NELL2: variants seen among roughly 807,000 people sequenced by gnomAD.
The protein encoded by NELL2 is protein kinase C-binding protein NELL2.
In NELL2, 41 loss-of-function variants were observed where a neutral mutation model predicts 109.6. The observed-to-expected ratio is 0.37, with a 90% CI of 0.29 to 0.49. NELL2 has a LOEUF of 0.49. Among genes scored for constraint, NELL2 ranks in the 20% least tolerant of loss-of-function variants. The pLI is 0.98. For missense variants in NELL2, 900 were observed against 1,008.3 expected, an observed-to-expected ratio of 0.89 and a Z score of 1.45; for synonymous variants, 355 against 344.7, an observed-to-expected ratio of 1.03 and a Z score of -0.33.
intron 2 of NELL2, among the ~76,000 whole-genome samples, chr12:44,846,001 T>C (rs1397952101): frequency 6.6e-6 from 1 of 152,228 alleles, no homozygotes; most frequent in Non-Finnish European, 1.5e-5. Flanking sequence ...ACTATGGCAG[T>C]GCTCATTCTG....
chr12:44,656,238 C>CTGGAA (rs1390765613), intron 13 of NELL2, among the ~76,000 whole-genome samples: 31 of 152,286 alleles, frequency 2.0e-4, no homozygotes, highest in Middle Eastern at 6.8e-3. Flanking sequence ...ATCTAACATT[C>CTGGAA]ATTCTGGAAA....
At chr12:44,550,997 C>G (rs1031073029) in intron 15 of NELL2, among the ~76,000 whole-genome samples, 7 of 152,030 alleles carry the variant, frequency 4.6e-5, no homozygotes, top group African/African-American at 1.7e-4. Context: ...GAGAGTAGAT[C>G]TTATGTTAAA....
intron 12 of NELL2, among the ~76,000 whole-genome samples, chr12:44,678,156 G>T (rs1948379066): frequency 6.7e-6 from 1 of 150,174 alleles, no homozygotes; most frequent in African/African-American, 2.4e-5. Flanking sequence ...AAATTGCTCA[G>T]AGAGGTAGCA....
intron 1 of NELL2, chr12:44,913,682 A>G (rs1329765800): frequency 8.9e-6 from 4 of 448,982 alleles, no homozygotes; most frequent in Non-Finnish European, 1.6e-5. Flanking sequence ...GAAAAACAAT[A>G]TGATTCACAT....
intron 2 of NELL2, among the ~76,000 whole-genome samples, chr12:44,833,600 G>T (rs1943954659): frequency 6.6e-6 from 1 of 152,302 alleles, no homozygotes; most frequent in East Asian, 1.9e-4. Flanking sequence ...TTTGTTGAAT[G>T]AAATTCAATG....
chr12:44,598,854 T>TACACACACACACACAC (rs754118280), intron 15 of NELL2, among the ~76,000 whole-genome samples: 3,588 of 117,794 alleles, frequency 0.03, 87 homozygotes, highest in East Asian at 0.09. Flanking sequence ...AAGAAAGAAA[T>TACACACACACACACAC]ACACACACAC....
At chr12:44,722,341 T>C (rs1566239066) in intron 9 of NELL2, among the ~76,000 whole-genome samples, 1 of 152,166 alleles carries the variant, frequency 6.6e-6, no homozygotes, top group South Asian at 2.1e-4. Context: ...AATTTTTTAA[T>C]TTTTTGTAGA....
intron 3 of NELL2, among the ~76,000 whole-genome samples, chr12:44,813,164 A>AGC (rs1320754204): frequency 6.6e-6 from 1 of 152,096 alleles, no homozygotes. Context: ...TGACTGGAAT[A>AGC]TATGCTGTCC....
chr12:44,660,482 C>T (rs1387776021), intron 13 of NELL2, among the ~76,000 whole-genome samples: 2 of 152,086 alleles, frequency 1.3e-5, no homozygotes, highest in African/African-American at 4.8e-5. Flanking sequence ...TAGTTGCATC[C>T]CTGGCCTCTA....
At chr12:44,834,619 A>G (rs1943994647) in intron 2 of NELL2, among the ~76,000 whole-genome samples, 1 of 152,042 alleles carries the variant, frequency 6.6e-6, no homozygotes, top group Non-Finnish European at 1.5e-5. Flanking sequence ...TGGGGCACTA[A>G]GGCCACTGCC....
chr12:44,513,197 G>A (rs573187195), intron 19 of NELL2, among the ~76,000 whole-genome samples: 2 of 152,028 alleles, frequency 1.3e-5, no homozygotes, highest in African/African-American at 4.8e-5. Context: ...AGAGATTCAT[G>A]CTAAAACTAA....
chr12:44,806,670 T>C (rs1395971336), intron 3 of NELL2, among the ~76,000 whole-genome samples: 1 of 151,856 alleles, frequency 6.6e-6, no homozygotes, highest in Non-Finnish European at 1.5e-5. Context: ...GCCCATGGCA[T>C]ACTGATTACT....
intron 15 of NELL2, among the ~76,000 whole-genome samples, chr12:44,555,330 T>C (rs1943207632): frequency 1.3e-5 from 2 of 152,224 alleles, no homozygotes; most frequent in African/African-American, 4.8e-5. Context: ...ACTGGTTTTA[T>C]AGCTATTTTG....
At chr12:44,854,792 C>T (rs1465609793) in intron 2 of NELL2, among the ~76,000 whole-genome samples, 2 of 150,532 alleles carry the variant, frequency 1.3e-5, no homozygotes, top group South Asian at 2.1e-4. Context: ...AGAAGGATAG[C>T]TATTCCAAAA....
At chr12:44,777,179 G>T in intron 6 of NELL2, 55 bp from the exon 7 acceptor site, 1 of 1,607,830 alleles carries the variant, frequency 6.2e-7, no homozygotes, top group Non-Finnish European at 8.5e-7. Context: ...GGTTCAATCT[G>T]GTTAAGTCTA....
chr12:44,584,731 A>G (rs1181426894), intron 15 of NELL2, among the ~76,000 whole-genome samples: 2 of 152,126 alleles, frequency 1.3e-5, no homozygotes, highest in African/African-American at 2.4e-5. Flanking sequence ...GTTGCTATAA[A>G]TTCTGTGGAC....
intron 13 of NELL2, among the ~76,000 whole-genome samples, chr12:44,619,224 G>C (rs1230323304): frequency 6.6e-6 from 1 of 152,122 alleles, no homozygotes; most frequent in East Asian, 1.9e-4. Context: ...ATAAAAGCAT[G>C]GGGTATAAAA....
At chr12:44,716,011 G>A (rs999027215) in intron 9 of NELL2, among the ~76,000 whole-genome samples, 5 of 151,288 alleles carry the variant, frequency 3.3e-5, no homozygotes, top group African/African-American at 7.3e-5. Context: ...TGTTGCCCAC[G>A]ATGGTCTCAA....
intron 11 of NELL2, 149 bp downstream of exon 11, chr12:44,711,143 C>G: frequency 1.7e-6 from 1 of 594,678 alleles, no homozygotes; most frequent in South Asian, 1.9e-5. Flanking sequence ...ACCTACTGTG[C>G]TACTCTGTGC....
Sources: gnomAD v4.1 joint callset for allele counts (sites outside exome capture counted in the v4.1 genomes callset) on GRCh38, gnomAD v4.1.1 for gene constraint, MANE v1.5 for transcripts, NCBI Gene and HGNC (gene_info 2026-07-23, HGNC 2026-07-21) for gene names.